Variants in SPAG16 observed in about 807,000 individuals in gnomAD.
SPAG16 encodes the protein sperm associated antigen 16.
Under a neutral mutation model 80.4 loss-of-function variants are expected in SPAG16, and 86 were observed. The ratio of observed to expected loss-of-function variants is 1.07; its 90% CI spans 0.90 to 1.28. The LOEUF (loss-of-function observed/expected upper bound fraction) is 1.28, where lower values mean the gene tolerates loss of function less well. Among genes scored for constraint, SPAG16 ranks in the 50% most tolerant of loss-of-function variants. The pLI is 0.00. For missense variants in SPAG16, 870 were observed against 765.3 expected (o/e 1.14, Z -1.61); for synonymous variants, 294 against 265.9 (o/e 1.11, Z -1.03).
intron 13 of SPAG16, among the ~76,000 whole-genome samples, chr2:214,044,311 T>C (rs1400895643): frequency 6.6e-6 from 1 of 152,354 alleles, no homozygotes; most frequent in African/African-American, 2.4e-5. Context: ...ATAAATGTCA[T>C]GTTCATCTTT....
intron 12 of SPAG16, among the ~76,000 whole-genome samples, chr2:213,935,306 T>A (rs1177876988): frequency 1.3e-5 from 2 of 152,080 alleles, no homozygotes; most frequent in Non-Finnish European, 2.9e-5. Flanking sequence ...TAGGCACCCA[T>A]GAATACTTTT....
chr2:213,603,841 C>G (rs905844799), intron 10 of SPAG16, among the ~76,000 whole-genome samples: 3 of 152,114 alleles, frequency 2.0e-5, no homozygotes, highest in Admixed American at 6.5e-5. Flanking sequence ...TTGTCACTAT[C>G]TGTGGCTTTA....
At chr2:213,565,811 C>T (rs1282106282) in intron 10 of SPAG16, among the ~76,000 whole-genome samples, 1 of 152,138 alleles carries the variant, frequency 6.6e-6, no homozygotes, top group Non-Finnish European at 1.5e-5. Context: ...AATACTTTGT[C>T]CCATAGCCCA....
chr2:213,287,918 T>A (rs938421905), intron 1 of SPAG16, among the ~76,000 whole-genome samples: 60 of 152,302 alleles, frequency 3.9e-4, no homozygotes, highest in African/African-American at 1.4e-3. Flanking sequence ...AATTATTATT[T>A]TTTTAGAGAT....
At chr2:213,288,216 C>T (rs942598131) in intron 1 of SPAG16, among the ~76,000 whole-genome samples, 29 of 152,158 alleles carry the variant, frequency 1.9e-4, no homozygotes, top group African/African-American at 5.6e-4. Context: ...CTGTACCAGG[C>T]TGCTGTCTTC....
chr2:214,402,144 C>CA (rs1701745620), intron 15 of SPAG16, among the ~76,000 whole-genome samples: 1 of 151,930 alleles, frequency 6.6e-6, no homozygotes, highest in Non-Finnish European at 1.5e-5. Flanking sequence ...ATTCCTCTAA[C>CA]AAAAAATCAA....
intron 9 of SPAG16, 87 bp downstream of exon 9, chr2:213,375,206 C>T (rs975631080): frequency 2.0e-5 from 20 of 980,844 alleles, no homozygotes; most frequent in African/African-American, 3.3e-5. Flanking sequence ...ATTATTTTAC[C>T]GGAAAAGGAA....
At chr2:213,331,336 C>T (rs768116865) in intron 5 of SPAG16, among the ~76,000 whole-genome samples, 1 of 152,156 alleles carries the variant, frequency 6.6e-6, no homozygotes, top group Non-Finnish European at 1.5e-5. Context: ...GCAGGATTTA[C>T]CGTCATAAGA....
At chr2:214,082,870 C>T (rs2051479018) in intron 13 of SPAG16, among the ~76,000 whole-genome samples, 1 of 152,138 alleles carries the variant, frequency 6.6e-6, no homozygotes, top group Admixed American at 6.5e-5. Flanking sequence ...CACTTTGTTT[C>T]TCCCACCCCA....
intron 10 of SPAG16, among the ~76,000 whole-genome samples, chr2:213,574,174 C>T (rs2060030610): frequency 6.6e-6 from 1 of 152,152 alleles, no homozygotes; most frequent in Non-Finnish European, 1.5e-5. Context: ...TGTCCTTTCA[C>T]CATAGTACTT....
intron 12 of SPAG16, among the ~76,000 whole-genome samples, chr2:213,989,950 C>T (rs1257743511): frequency 6.6e-6 from 1 of 151,852 alleles, no homozygotes; most frequent in African/African-American, 2.4e-5. Context: ...ATAAAAATTG[C>T]CTTGATTTTA....
At chr2:213,904,786 A>G (rs2077369726) in intron 11 of SPAG16, among the ~76,000 whole-genome samples, 2 of 152,064 alleles carry the variant, frequency 1.3e-5, no homozygotes, top group South Asian at 4.2e-4. Flanking sequence ...GCAAGTCCTT[A>G]TGTGGCTAGA....
intron 15 of SPAG16, among the ~76,000 whole-genome samples, chr2:214,363,884 A>G (rs1235593673): frequency 6.6e-6 from 1 of 152,072 alleles, no homozygotes; most frequent in Non-Finnish European, 1.5e-5. Context: ...TTCACAGTTT[A>G]TGTGGAGGAA....
intron 15 of SPAG16, among the ~76,000 whole-genome samples, chr2:214,213,491 A>C (rs2058349768): frequency 6.6e-6 from 1 of 152,186 alleles, no homozygotes; most frequent in Non-Finnish European, 1.5e-5. Context: ...CCTGAACCCA[A>C]GGGAGCAAGC....
At position 213,980,725 on chromosome 2, in the gene SPAG16, T is replaced by TATATATATATATAG. The variant is rs374274176; in HGVS notation, c.1401-33225_1401-33224insTATATATATATAGA. Reference sequence around the variant, plus strand: ...GTGTGTGTGTGTGTATATATATATATAGAGAGAGAGAGAGAGAGAGAGAGA... The same window carrying TATATATATATATAG: ...GTGTGTGTGTGTGTATATATATATATATATATATATATAGAGAGAGAGAGAGAGAGAGAGAGAGA... On this transcript the variant is annotated intron_variant, in intron 12 of 15. Coordinates refer to ENST00000331683, the MANE Select transcript of SPAG16 (RefSeq NM_024532.5). 2.1e-3 allele frequency among the ~76,000 whole-genome samples: 216 copies of TATATATATATATAG among 103,970 alleles called. 4 individuals carry two copies. The highest frequency in any genetic ancestry group is 9.6e-3 in the African/African-American group (193 of 20,068). 68.2% of individuals were successfully genotyped at this position (103,970 alleles called of 152,430 possible).
chr2:213,710,059 C>T (rs2065916499), intron 10 of SPAG16, among the ~76,000 whole-genome samples: 1 of 151,968 alleles, frequency 6.6e-6, no homozygotes, highest in Non-Finnish European at 1.5e-5. Flanking sequence ...ACGAGGCAGG[C>T]AGATAAGGAT....
At chr2:214,037,291 A>G (rs377349362) in intron 13 of SPAG16, among the ~76,000 whole-genome samples, 19 of 152,044 alleles carry the variant, frequency 1.2e-4, no homozygotes, top group East Asian at 3.9e-4. Flanking sequence ...GTATTTTCAT[A>G]TTCACCCAAC....
At position 214,073,334 on chromosome 2, in the gene SPAG16, T is replaced by C. The variant is rs369795846; in HGVS notation, c.1528-34862T>C. Among the ~76,000 whole-genome samples, 40 of 151,716 alleles carry C rather than the reference T, an allele frequency of 2.6e-4. 1 individual carries two copies. Among genetic ancestry groups the C allele is most frequent in the East Asian group, 2.5e-3 (13 of 5,148 alleles). The stretch of plus-strand genomic sequence containing the variant: ...TCACTGCAACCTCCAACTCCCCTGG[T>C]TCAAGCGACTCTCCTGCCTCAGCCT... On this transcript the variant is annotated intron_variant, in intron 13 of 15. Coordinates refer to ENST00000331683, the MANE Select transcript of SPAG16 (RefSeq NM_024532.5).
At position 214,111,257 on chromosome 2, in the gene SPAG16, G is replaced by A. The variant is rs973472079; in HGVS notation, c.1593+2996G>A. Among the ~76,000 whole-genome samples, 48 of 152,156 alleles carry A rather than the reference G, an allele frequency of 3.2e-4. 1 individual carries two copies. Among genetic ancestry groups the A allele is most frequent in the Admixed American group, 1.9e-3 (29 of 15,282 alleles). On this transcript the variant is annotated intron_variant, in intron 14 of 15. Coordinates refer to ENST00000331683, the MANE Select transcript of SPAG16 (RefSeq NM_024532.5). Reference sequence around the variant, plus strand: ...TAGGTTTTCCTCTAGGGTTTTTATGGTTTTAGGTCTAACATTGAAGTCTTT... The same window carrying A: ...TAGGTTTTCCTCTAGGGTTTTTATGATTTTAGGTCTAACATTGAAGTCTTT...
Sources: gnomAD v4.1 joint callset for allele counts (sites outside exome capture counted in the v4.1 genomes callset) on GRCh38, gnomAD v4.1.1 for gene constraint, MANE v1.5 for transcripts, NCBI Gene and HGNC (gene_info 2026-07-23, HGNC 2026-07-21) for gene names.